ABHD2: variants seen among roughly 807,000 people sequenced by gnomAD.
ABHD2 encodes abhydrolase domain containing 2, acylglycerol lipase.
ABHD2 carries 20 observed loss-of-function variants against 48.1 expected under a neutral mutation model. The ratio of observed to expected loss-of-function variants is 0.42; its 90% CI spans 0.29 to 0.60. The LOEUF is 0.60. Ranked by LOEUF, ABHD2 falls within the 20% of genes least tolerant of loss-of-function variation. The pLI, the probability that ABHD2 is intolerant of heterozygous loss-of-function variation, is 0.24. For synonymous variants in ABHD2, 209 were observed against 214.2 expected (o/e 0.98, Z 0.21); for missense variants, 405 against 550.9 (o/e 0.74, Z 2.65).
chr15:89,092,231 C>G lies in ABHD2; in HGVS notation c.-107+3668C>G, dbSNP rs1264821905. 6.6e-6 allele frequency among the ~76,000 whole-genome samples: 1 copy of G among 152,190 alleles called. No homozygotes were observed. On this transcript the variant is annotated intron_variant, in intron 1 of 10. Transcript: ENST00000352732. The surrounding 1 kb of genome is among the most constrained non-coding windows in gnomAD (Gnocchi z 4.4). ...GTGAGGGGCTTGTTACACACCGACTCATTGTCTGATCTTTCACAATAAATA... is the reference window on the plus strand; with the variant it reads ...GTGAGGGGCTTGTTACACACCGACTGATTGTCTGATCTTTCACAATAAATA...
At chr15:89,156,206 C>T (rs373610545) in intron 5 of ABHD2, among the ~76,000 whole-genome samples, 10 of 150,430 alleles carry the variant, frequency 6.6e-5, no homozygotes, top group African/African-American at 1.7e-4. Flanking sequence ...CTGCAGGCTC[C>T]GCCTCCTGAG....
chr15:89,180,028 C>T (rs1344367292), intron 6 of ABHD2, among the ~76,000 whole-genome samples: 1 of 152,184 alleles, frequency 6.6e-6, no homozygotes, highest in Non-Finnish European at 1.5e-5. Context: ...CATAAAGTTT[C>T]CCCAGAGACT....
chr15:89,103,396 G>A (rs992154036), intron 1 of ABHD2, among the ~76,000 whole-genome samples: 3 of 151,876 alleles, frequency 2.0e-5, no homozygotes, highest in Non-Finnish European at 4.4e-5. Flanking sequence ...TCAGTTACAC[G>A]TAAAGTAACC....
the ABHD2 span, among the ~76,000 whole-genome samples, chr15:89,061,763 G>C: frequency 6.6e-6 from 1 of 152,170 alleles, no homozygotes; most frequent in African/African-American, 2.4e-5. Flanking sequence ...CTGTAGAAAC[G>C]GGGTTTTGCC....
Position 89,201,771 on chromosome 15 carries a change from T to G in ABHD2, c.*6348T>G. ...CGGGTCGAGGACCAGGATCTGCTCG[T>G]GCTTCGCCGTGGCCCCGGAGGCAGA... On this transcript the variant is annotated 3_prime_UTR_variant, in exon 11 of 11. Coordinates refer to ENST00000352732, the MANE Select transcript of ABHD2 (RefSeq NM_152924.5). The G allele has an allele frequency of 6.6e-7, 1 of 1,509,664 alleles. No individual in the cohort carries two copies. Among genetic ancestry groups the G allele is most frequent in the South Asian group, 1.1e-5 (1 of 88,884 alleles). 93.5% of individuals were successfully genotyped at this position (1,509,664 alleles called of 1,614,324 possible). A position where few individuals can be genotyped will look rare whatever the true frequency, so the allele number is the denominator to read the frequency against.
At chr15:89,055,103 A>T in the ABHD2 span, among the ~76,000 whole-genome samples, 5 of 151,990 alleles carry the variant, frequency 3.3e-5, no homozygotes, top group African/African-American at 1.2e-4. Context: ...AGGCTGAGGC[A>T]AGGAGGATCA....
intron 5 of ABHD2, among the ~76,000 whole-genome samples, chr15:89,158,359 T>G (rs1388230447): frequency 6.6e-6 from 1 of 152,226 alleles, no homozygotes; most frequent in Non-Finnish European, 1.5e-5. Context: ...CTGTATAGTC[T>G]AGGCCTCCCA....
intron 7 of ABHD2, among the ~76,000 whole-genome samples, chr15:89,187,006 C>T (rs1036499525): frequency 1.3e-5 from 2 of 152,164 alleles, no homozygotes; most frequent in African/African-American, 4.8e-5. Context: ...CCACTTGGCT[C>T]ATGTTGTTTG....
intron 5 of ABHD2, among the ~76,000 whole-genome samples, chr15:89,169,339 G>C (rs1381413385): frequency 6.6e-6 from 1 of 152,128 alleles, no homozygotes; most frequent in Non-Finnish European, 1.5e-5. Flanking sequence ...CTTTAAATCT[G>C]CTTCCTTGTC....
intron 3 of ABHD2, among the ~76,000 whole-genome samples, chr15:89,128,580 T>A (rs1220162588): frequency 6.6e-6 from 1 of 152,192 alleles, no homozygotes; most frequent in Non-Finnish European, 1.5e-5. Flanking sequence ...CCAAAAATGA[T>A]CTTGGTGCTG....
intron 5 of ABHD2, among the ~76,000 whole-genome samples, chr15:89,170,660 T>C (rs1178409833): frequency 6.6e-6 from 1 of 152,178 alleles, no homozygotes; most frequent in Non-Finnish European, 1.5e-5. Flanking sequence ...CCCTCAACAG[T>C]GGATGGACCA....
At chr15:89,096,745 T>C (rs980437412) in intron 1 of ABHD2, among the ~76,000 whole-genome samples, 3 of 152,234 alleles carry the variant, frequency 2.0e-5, no homozygotes, top group African/African-American at 7.2e-5. Flanking sequence ...CAAAAGTTAC[T>C]TATGGGTTTG....
chr15:89,191,829 A>G (rs1035305028), intron 9 of ABHD2, among the ~76,000 whole-genome samples: 1 of 152,030 alleles, frequency 6.6e-6, no homozygotes, highest in Non-Finnish European at 1.5e-5. Context: ...GGGTTTCACC[A>G]TGTTGGTCAG....
chr15:89,187,999 C>A (rs1362395987), intron 7 of ABHD2, among the ~76,000 whole-genome samples, 194 bp from the exon 8 acceptor site: 1 of 152,158 alleles, frequency 6.6e-6, no homozygotes, highest in Non-Finnish European at 1.5e-5. Flanking sequence ...GTCTGGGTAC[C>A]CCTGAAAAGG....
the ABHD2 span, among the ~76,000 whole-genome samples, chr15:89,073,136 G>T: frequency 7.0e-3 from 1,065 of 152,156 alleles, 14 homozygotes; most frequent in African/African-American, 0.024. Context: ...TTTTTGAGGG[G>T]CCTGGGACAA....
intron 5 of ABHD2, among the ~76,000 whole-genome samples, chr15:89,158,349 C>T (rs1364101808): frequency 1.3e-5 from 2 of 152,210 alleles, no homozygotes; most frequent in African/African-American, 4.8e-5. Context: ...GTAACTGGGT[C>T]TGTATAGTCT....
At chr15:89,118,359 G>A (rs1030875905) in intron 3 of ABHD2, among the ~76,000 whole-genome samples, 4 of 151,750 alleles carry the variant, frequency 2.6e-5, no homozygotes, top group African/African-American at 9.7e-5. Context: ...TGTATTTTTT[G>A]GTAGAGACGG....
intron 1 of ABHD2, among the ~76,000 whole-genome samples, chr15:89,105,795 C>G (rs897113605): frequency 5.6e-4 from 85 of 152,238 alleles, no homozygotes; most frequent in African/African-American, 2.0e-3. Flanking sequence ...ACAGGATTGG[C>G]CCTATTGTTT....
chr15:89,085,454 G>A (rs958434431), upstream of ABHD2, among the ~76,000 whole-genome samples: 6 of 152,166 alleles, frequency 3.9e-5, no homozygotes, highest in Non-Finnish European at 7.4e-5. The surrounding 1 kb of genome is among the most constrained non-coding windows in gnomAD (Gnocchi z 4.2). Flanking sequence ...GCAAGCAGAA[G>A]GGAGGAAACA....
Sources: gnomAD v4.1 joint callset for allele counts (sites outside exome capture counted in the v4.1 genomes callset) on GRCh38, gnomAD v4.1.1 for gene constraint, Gnocchi (gnomAD v3.1) non-coding constraint, MANE v1.5 for transcripts, NCBI Gene and HGNC (gene_info 2026-07-23, HGNC 2026-07-21) for gene names.